The following PCSK5 variants were observed in gnomAD, a reference collection of about 807,000 sequenced individuals.
PCSK5 encodes prohormone convertase 5.
A neutral mutation model predicts 233.2 loss-of-function variants in PCSK5; 129 were observed. The ratio of observed to expected loss-of-function variants is 0.55; its 90% CI spans 0.48 to 0.64. The LOEUF (loss-of-function observed/expected upper bound fraction) is 0.64. Among genes scored for constraint, PCSK5 ranks in the 30% least tolerant of loss-of-function variants. The pLI, the probability that PCSK5 is intolerant of heterozygous loss-of-function variation, is 0.00. For synonymous variants in PCSK5, 825 were observed against 879.2 expected (o/e 0.94, Z 1.09); for missense variants, 2,076 against 2,430.1 (o/e 0.85, Z 3.06).
chr9:76,205,102 C>T (rs1364531760), intron 20 of PCSK5: 2 of 518,754 alleles, frequency 3.9e-6, no homozygotes, highest in Non-Finnish European at 7.7e-6. Context: ...TCTGTCATTT[C>T]TTTAGGTTTG....
intron 1 of PCSK5, among the ~76,000 whole-genome samples, chr9:75,912,187 A>G (rs1236305747): frequency 1.3e-5 from 2 of 152,088 alleles, no homozygotes; most frequent in African/African-American, 4.8e-5. Flanking sequence ...GTCTTCGTGG[A>G]GAAGGTGGCA....
At position 76,184,628 on chromosome 9, in the gene PCSK5, A is replaced by C. The variant is rs768311196; in HGVS notation, c.2198-45A>C. ...AGAACATCTCTGATGCTTTTATGGA[A>C]TCCAATTGACCAACTGATTTACAAC... On this transcript the variant is annotated intron_variant, in intron 16 of 37. Coordinates refer to ENST00000674117, the MANE Select transcript of PCSK5 (RefSeq NM_001372043.1). 5.5e-6 allele frequency: 7 copies of C among 1,266,630 alleles called. No individual in the cohort carries two copies. The East Asian group carries it at 1.6e-4, about 29-fold the overall frequency. 78.5% of individuals were successfully genotyped at this position (1,266,630 alleles called of 1,614,324 possible).
intron 37 of PCSK5, among the ~76,000 whole-genome samples, chr9:76,355,679 TTTTCTTTC>T (rs1160395694): frequency 1.1e-4 from 16 of 151,736 alleles, no homozygotes; most frequent in South Asian, 2.1e-4. Flanking sequence ...TTGATTAGCA[TTTTCTTTC>T]TTTCTTTCTT....
intron 20 of PCSK5, among the ~76,000 whole-genome samples, chr9:76,223,757 TA>T (rs1825800102): frequency 6.6e-6 from 1 of 152,318 alleles, no homozygotes; most frequent in Middle Eastern, 3.4e-3. Context: ...AAGGCTCTGT[TA>T]AAAGTTGACT....
intron 34 of PCSK5, among the ~76,000 whole-genome samples, chr9:76,333,592 T>A (rs1829596724): frequency 6.6e-6 from 1 of 152,214 alleles, no homozygotes. Flanking sequence ...AAGGTCTGAT[T>A]GCCAGCATAT....
chr9:76,292,114 A>C, intron 24 of PCSK5, 119 bp from the exon 25 acceptor site: 1 of 679,114 alleles, frequency 1.5e-6, no homozygotes, highest in South Asian at 1.8e-5. Context: ...ATTTCTGGAC[A>C]GTACATTTCA....
At chr9:75,944,900 G>A (rs1397864830) in intron 2 of PCSK5, among the ~76,000 whole-genome samples, 4 of 151,868 alleles carry the variant, frequency 2.6e-5, no homozygotes, top group Non-Finnish European at 5.9e-5. Flanking sequence ...ACCTGAGGTC[G>A]GGAGTTCAAG....
intron 20 of PCSK5, among the ~76,000 whole-genome samples, chr9:76,225,457 C>T (rs1825859546): frequency 6.6e-6 from 1 of 152,204 alleles, no homozygotes; most frequent in East Asian, 1.9e-4. Context: ...ACATAGATAT[C>T]ATCTAACTGT....
At chr9:76,167,247 A>C (rs2131837083) in intron 12 of PCSK5, among the ~76,000 whole-genome samples, 1 of 152,338 alleles carries the variant, frequency 6.6e-6, no homozygotes, top group Non-Finnish European at 1.5e-5. Flanking sequence ...TGTTCTAAAA[A>C]GAGAGAGAGA....
At chr9:75,894,662 T>G (rs1256836118) in intron 1 of PCSK5, among the ~76,000 whole-genome samples, 1 of 152,158 alleles carries the variant, frequency 6.6e-6, no homozygotes, top group Non-Finnish European at 1.5e-5. Flanking sequence ...TGCCCTGCTT[T>G]TCTTCCCTAC....
chr9:76,265,466 C>G (rs1827306665), intron 24 of PCSK5, among the ~76,000 whole-genome samples: 1 of 151,894 alleles, frequency 6.6e-6, no homozygotes, highest in African/African-American at 2.4e-5. Flanking sequence ...AAAGAAGAGC[C>G]AAGAAATTGT....
At chr9:76,093,823 G>A (rs1160326100) in intron 7 of PCSK5, among the ~76,000 whole-genome samples, 1 of 152,042 alleles carries the variant, frequency 6.6e-6, no homozygotes, top group Non-Finnish European at 1.5e-5. Context: ...TTTCCCTCTG[G>A]TATGTTGTTG....
At chr9:76,089,869 GA>G (rs1831214707) in intron 7 of PCSK5, among the ~76,000 whole-genome samples, 1 of 152,080 alleles carries the variant, frequency 6.6e-6, no homozygotes, top group Non-Finnish European at 1.5e-5. Flanking sequence ...AAGCCACAAG[GA>G]AATCCAATTC....
rs1366258863 is a variant in PCSK5, at chr9:76,344,073, T to A, written c.4966+5626T>A. Reference sequence around the variant, plus strand: ...TGTTGTACTGTCTTTGAAAGTCCAATGTTTATTTTACATGTACAGCACAAC... The same window carrying A: ...TGTTGTACTGTCTTTGAAAGTCCAAAGTTTATTTTACATGTACAGCACAAC... On this transcript the variant is annotated intron_variant, in intron 35 of 37. Transcript: ENST00000674117. Among the ~76,000 whole-genome samples, 4 of 152,334 alleles carry A rather than the reference T, an allele frequency of 2.6e-5. No homozygotes were observed. In the East Asian group the frequency reaches 5.8e-4, roughly 22 times the overall value.
chr9:75,953,044 A>T (rs1824936591), intron 2 of PCSK5, among the ~76,000 whole-genome samples: 1 of 152,180 alleles, frequency 6.6e-6, no homozygotes, highest in South Asian at 2.1e-4. Flanking sequence ...CCTGGTTGAC[A>T]ATATATATTA....
intron 1 of PCSK5, among the ~76,000 whole-genome samples, chr9:75,925,467 T>C (rs950124477): frequency 1.3e-5 from 2 of 152,168 alleles, no homozygotes; most frequent in African/African-American, 2.4e-5. Context: ...CAGCAGTGAA[T>C]AAAACAAAAA....
At chr9:76,076,237 C>T (rs897119601) in intron 7 of PCSK5, among the ~76,000 whole-genome samples, 1 of 152,138 alleles carries the variant, frequency 6.6e-6, no homozygotes, top group Non-Finnish European at 1.5e-5. Context: ...CAAGGTGGAA[C>T]AGGAAGAGGG....
Position 76,068,030 on chromosome 9 carries a change from C to T in PCSK5, c.708C>T (p.Asn236=), listed in dbSNP as rs745627946. 1.2e-5 allele frequency: 20 copies of T among 1,613,340 alleles called. No homozygotes were observed. Among genetic ancestry groups the T allele is most frequent in the Middle Eastern group, 1.7e-4 (1 of 6,056 alleles). ...NSHCTVGIAF[N]AKIGGVRMLD... is the part of the protein sequence containing the mutation. Reference sequence around the variant, plus strand: ...ACTGCACAGTCGGAATTGCTTTCAACGCCAAGATCGGAGGTATGGGAAACC... The same window carrying T: ...ACTGCACAGTCGGAATTGCTTTCAATGCCAAGATCGGAGGTATGGGAAACC... Residue 236 remains asparagine (N), a synonymous_variant, in exon 6 of 38, where the codon AAC becomes AAT. Coordinates refer to ENST00000674117, the MANE Select transcript of PCSK5 (RefSeq NM_001372043.1).
chr9:76,108,000 A>G (rs1269635345), intron 9 of PCSK5, among the ~76,000 whole-genome samples: 1 of 152,212 alleles, frequency 6.6e-6, no homozygotes, highest in Non-Finnish European at 1.5e-5. Context: ...TTAAAATCCT[A>G]AATGCCAGGA....
Sources: gnomAD v4.1 joint callset for allele counts (sites outside exome capture counted in the v4.1 genomes callset) on GRCh38, gnomAD v4.1.1 for gene constraint, MANE v1.5 for transcripts, NCBI Gene and HGNC (gene_info 2026-07-23, HGNC 2026-07-21) for gene names.